The following SLC17A3 variants were observed in gnomAD, a reference collection of about 807,000 sequenced individuals.
The protein encoded by SLC17A3 is sodium-dependent phosphate transport protein 4.
SLC17A3 carries 61 observed loss-of-function variants against 60.3 expected under a neutral mutation model. That is an observed-to-expected ratio of 1.01 (90% CI 0.82 to 1.25). SLC17A3 has a LOEUF of 1.25. Ranked by LOEUF, SLC17A3 falls within the 50% of genes most tolerant of loss-of-function variation. The pLI is 0.00. For missense variants in SLC17A3, 624 were observed against 594.9 expected (o/e 1.05, Z -0.51); for synonymous variants, 192 against 208.9 (o/e 0.92, Z 0.70).
intron 1 of SLC17A3, among the ~76,000 whole-genome samples, chr6:25,873,006 C>T (rs1178592193): frequency 1.3e-5 from 2 of 152,046 alleles, no homozygotes; most frequent in Admixed American, 6.6e-5. Flanking sequence ...TGACAGACAC[C>T]TACTGCCATG....
chr6:25,866,019 A>G (rs12201170), intron 2 of SLC17A3, among the ~76,000 whole-genome samples: 24,246 of 151,970 alleles, frequency 0.16, 2,531 homozygotes, highest in Non-Finnish European at 0.21. Flanking sequence ...TGTGACAGAC[A>G]GACCTTAAGG....
intron 5 of SLC17A3, among the ~76,000 whole-genome samples, chr6:25,856,429 G>A (rs1419908189): frequency 6.6e-6 from 1 of 152,166 alleles, no homozygotes; most frequent in East Asian, 1.9e-4. Flanking sequence ...ATAGAGATGG[G>A]AATCTTGCTG....
At position 25,845,414 on chromosome 6, in the gene SLC17A3, A is replaced by G; in HGVS notation, c.1465T>C (p.Trp489Arg). The change falls in exon 12 of 13, where the codon TGG becomes CGG. Residue 489 changes from tryptophan to arginine, a missense_variant. Transcript: ENST00000397060. ...CGAGTGAGTTTTCTCTCTTTAGCCC[A>G]TTCTTGGACATCTGCTTCTCCAAAT... Reference protein sequence around the residue: ...LIFGEADVQEWAKERKLTRL With the variant: ...LIFGEADVQERAKERKLTRL 1 of 1,614,050 alleles carries G rather than the reference A, an allele frequency of 6.2e-7. No individual in the cohort carries two copies. Among genetic ancestry groups the G allele is most frequent in the Non-Finnish European group, 8.5e-7 (1 of 1,179,958 alleles).
intron 11 of SLC17A3, among the ~76,000 whole-genome samples, chr6:25,847,040 C>T (rs1164030702): frequency 6.6e-6 from 1 of 152,066 alleles, no homozygotes; most frequent in Middle Eastern, 3.4e-3. Context: ...GCCTAGTCCC[C>T]AATAGTTTTT....
chr6:25,868,251 A>T (rs751851943), intron 2 of SLC17A3, 46 bp downstream of exon 2: 4 of 1,325,852 alleles, frequency 3.0e-6, no homozygotes, highest in Non-Finnish European at 4.4e-6. Context: ...TGACAAAAAG[A>T]ATTCACTGTA....
chr6:25,855,195 C>G lies in SLC17A3; in HGVS notation c.661G>C (p.Gly221Arg). 1 of 1,613,692 alleles carries G rather than the reference C, an allele frequency of 6.2e-7. No homozygotes were observed. The highest frequency in any genetic ancestry group is 8.5e-7 in the Non-Finnish European group (1 of 1,179,806). The part of the protein sequence containing the change: ...LLGCFTAILI[G>R]GFISETLGWP... Reference sequence around the variant, plus strand: ...CCAAGGGTTTCACTAATGAAGCCACCTATGAGGATGGCAGTAAAGCATCCC... The same window carrying G: ...CCAAGGGTTTCACTAATGAAGCCACGTATGAGGATGGCAGTAAAGCATCCC... Residue 221 changes from glycine (G) to arginine (R), a missense_variant, in exon 6 of 13, where the codon GGT becomes CGT. Gly to Arg is a moderately radical substitution (Grantham distance 125). Transcript: ENST00000397060.
chr6:25,871,181 C>A (rs1765634656), intron 1 of SLC17A3, among the ~76,000 whole-genome samples: 1 of 152,064 alleles, frequency 6.6e-6, no homozygotes, highest in Non-Finnish European at 1.5e-5. Flanking sequence ...TATAAAGACA[C>A]ATGTACACGA....
chr6:25,855,321 G>T (rs532911107), intron 5 of SLC17A3, 91 bp from the exon 6 acceptor site: 4 of 858,852 alleles, frequency 4.7e-6, no homozygotes, highest in South Asian at 2.9e-5. Flanking sequence ...TAGAGCAGTA[G>T]CTTTAAACCA....
intron 6 of SLC17A3, 146 bp from the exon 7 acceptor site, chr6:25,851,023 T>C (rs987885318): frequency 4.2e-6 from 3 of 718,388 alleles, no homozygotes; most frequent in African/African-American, 3.5e-5. Flanking sequence ...AATTCACCCA[T>C]TTTACATTTC....
chr6:25,870,154 G>A (rs539103336), intron 1 of SLC17A3, among the ~76,000 whole-genome samples: 40 of 152,044 alleles, frequency 2.6e-4, no homozygotes, highest in South Asian at 2.3e-3. Context: ...TACCTGGATC[G>A]TATGATAAGT....
intron 6 of SLC17A3, among the ~76,000 whole-genome samples, 188 bp from the exon 7 acceptor site, chr6:25,851,065 C>T (rs1765268438): frequency 6.6e-6 from 1 of 152,068 alleles, no homozygotes; most frequent in Non-Finnish European, 1.5e-5. Context: ...AATTACAGAG[C>T]CTAGAAGTGG....
At position 25,855,330 on chromosome 6, in the gene SLC17A3, C is replaced by T. The variant is rs1765341309; in HGVS notation, c.626-100G>A. On this transcript the variant is annotated intron_variant, in intron 5 of 12. Coordinates refer to ENST00000397060, the MANE Select transcript of SLC17A3 (RefSeq NM_001098486.2). Reference sequence around the variant, plus strand: ...ATATTATAGAGCAGTAGCTTTAAACCATAAGGAGACGAGCATATTAGAATG... The same window carrying T: ...ATATTATAGAGCAGTAGCTTTAAACTATAAGGAGACGAGCATATTAGAATG... The T allele has an allele frequency of 7.0e-5, 55 of 789,360 alleles. 2 individuals carry two copies. The South Asian group carries it at 8.2e-4, about 12-fold the overall frequency. The allele number at this position is 789,360 out of a possible 1,614,324, so 48.9% of individuals were successfully genotyped here.
intron 1 of SLC17A3, among the ~76,000 whole-genome samples, chr6:25,869,010 G>A (rs564752953): frequency 3.3e-5 from 5 of 151,958 alleles, no homozygotes; most frequent in Admixed American, 6.6e-5. Context: ...TGTAAGTATC[G>A]CTGATATGTG....
chr6:25,849,244 A>G lies in SLC17A3; in HGVS notation c.1362+130T>C, dbSNP rs903730013. On this transcript the variant is annotated intron_variant, in intron 11 of 12. Transcript: ENST00000397060. ...AAGAAATGATTCTATATTTTTCTTT[A>G]GCAGGTTCATCTTAATGACAAATTA... 5 of 682,880 alleles carry G rather than the reference A, an allele frequency of 7.3e-6. No homozygotes were observed. In the African/African-American group the frequency reaches 9.0e-5, roughly 12 times the overall value. 42.3% of individuals were successfully genotyped at this position (682,880 alleles called of 1,614,324 possible). A position where few individuals can be genotyped will look rare whatever the true frequency, so the allele number is the denominator to read the frequency against.
In SLC17A3 at chr6:25,850,072, C is replaced by G. The variant is rs1765246975; in HGVS notation, c.1099G>C (p.Val367Leu). Residue 367 changes from valine (V) to leucine (L), a missense_variant, in exon 9 of 13, where the codon GTG (valine) becomes CTG (leucine). Coordinates refer to ENST00000397060, the MANE Select transcript of SLC17A3 (RefSeq NM_001098486.2). ...CCTAAAATTGTGGCAATTTTCCTCA[C>G]AGTGATGAGTCTAAACTTTTTGGTT... is the stretch of plus-strand genomic sequence containing the variant. ...LLTKKFRLIT[V>L]RKIATILGSL... 6.2e-7 allele frequency: 1 copy of G among 1,613,842 alleles called. No homozygotes were observed. The highest frequency in any genetic ancestry group is 8.5e-7 in the Non-Finnish European group (1 of 1,179,872).
At chr6:25,862,751 T>C (rs2151525198) in intron 2 of SLC17A3, among the ~76,000 whole-genome samples, 1 of 151,970 alleles carries the variant, frequency 6.6e-6, no homozygotes, top group African/African-American at 2.4e-5. Flanking sequence ...AGTAAATGCA[T>C]ATACATATGT....
intron 2 of SLC17A3, among the ~76,000 whole-genome samples, chr6:25,862,663 G>A (rs149873856): frequency 1.3e-5 from 2 of 151,766 alleles, no homozygotes; most frequent in African/African-American, 4.8e-5. Context: ...ACTTGATCTC[G>A]GGGGTTCTGT....
At chr6:25,848,394 C>T (rs904672852) in intron 11 of SLC17A3, among the ~76,000 whole-genome samples, 1 of 152,130 alleles carries the variant, frequency 6.6e-6, no homozygotes, top group Non-Finnish European at 1.5e-5. Flanking sequence ...CAATGGCCAA[C>T]CTTGCAGGAG....
intron 1 of SLC17A3, among the ~76,000 whole-genome samples, chr6:25,871,097 T>C (rs1228452007): frequency 6.6e-6 from 1 of 152,072 alleles, no homozygotes; most frequent in Non-Finnish European, 1.5e-5. Flanking sequence ...CTCAGGGATC[T>C]AGAACTAGAA....
Sources: gnomAD v4.1 joint callset for allele counts (sites outside exome capture counted in the v4.1 genomes callset) on GRCh38, gnomAD v4.1.1 for gene constraint, MANE v1.5 for transcripts, NCBI Gene and HGNC (gene_info 2026-07-23, HGNC 2026-07-21) for gene names.